Variants in CHN2 observed in about 807,000 individuals in gnomAD.
CHN2 encodes the protein beta-chimaerin.
A neutral mutation model predicts 56.3 loss-of-function variants in CHN2; 35 were observed. The ratio of observed to expected loss-of-function variants is 0.62; its 90% confidence interval spans 0.47 to 0.82. CHN2 has a LOEUF of 0.82. CHN2 is among the 40% of genes least tolerant of loss of function. CHN2 has a pLI of 0.00. For synonymous variants in CHN2, 210 were observed against 212.8 expected (o/e 0.99, Z 0.12); for missense variants, 491 against 580.5 (o/e 0.85, Z 1.58).
intron 3 of CHN2, among the ~76,000 whole-genome samples, chr7:29,383,877 A>G (rs1479273737): frequency 6.6e-6 from 1 of 152,216 alleles, no homozygotes; most frequent in Non-Finnish European, 1.5e-5. Context: ...AGGTGATAAA[A>G]GGATATAGGG....
chr7:29,254,294 T>C (rs1447938825), intron 1 of CHN2, among the ~76,000 whole-genome samples: 1 of 152,222 alleles, frequency 6.6e-6, no homozygotes, highest in African/African-American at 2.4e-5. Context: ...TGGTACACAG[T>C]ACCCCTGTAA....
chr7:29,421,433 C>A (rs904640902), intron 6 of CHN2, among the ~76,000 whole-genome samples: 1 of 151,980 alleles, frequency 6.6e-6, no homozygotes, highest in African/African-American at 2.4e-5. Flanking sequence ...GTAAAAAGTT[C>A]TGTGCACAGA....
intron 1 of CHN2, among the ~76,000 whole-genome samples, chr7:29,251,917 G>T (rs1341234252): frequency 6.6e-6 from 1 of 152,176 alleles, no homozygotes; most frequent in Non-Finnish European, 1.5e-5. Context: ...AGTGGTTTTT[G>T]AAGGTGCTTT....
intron 2 of CHN2, among the ~76,000 whole-genome samples, chr7:29,366,342 G>T (rs1315316845): frequency 6.6e-6 from 1 of 152,116 alleles, no homozygotes; most frequent in African/African-American, 2.4e-5. Context: ...CTCTCCTATG[G>T]TCAGTGGACA....
At chr7:29,276,186 C>T (rs182044475) in intron 1 of CHN2, among the ~76,000 whole-genome samples, 3 of 150,230 alleles carry the variant, frequency 2.0e-5, no homozygotes, top group Admixed American at 2.0e-4. Flanking sequence ...CCAAGCAGCA[C>T]CTGAGTAGGA....
chr7:29,308,542 A>G (rs181170917), intron 1 of CHN2, among the ~76,000 whole-genome samples: 2 of 151,816 alleles, frequency 1.3e-5, no homozygotes, highest in Admixed American at 1.3e-4. Context: ...CCAGCTTGTG[A>G]CCTCTCTTTC....
chr7:29,457,551 C>A (rs927915652), intron 6 of CHN2, among the ~76,000 whole-genome samples: 1 of 152,118 alleles, frequency 6.6e-6, no homozygotes, highest in African/African-American at 2.4e-5. Context: ...TATTCCTACT[C>A]ATTAAGTTAC....
At chr7:29,499,101 A>G (rs1389939693) in intron 8 of CHN2, among the ~76,000 whole-genome samples, 1 of 152,188 alleles carries the variant, frequency 6.6e-6, no homozygotes. Context: ...GTCAGTGGAT[A>G]TTGACTGCTA....
intron 6 of CHN2, among the ~76,000 whole-genome samples, chr7:29,473,380 T>C (rs1786275596): frequency 6.6e-6 from 1 of 151,876 alleles, no homozygotes; most frequent in Non-Finnish European, 1.5e-5. Flanking sequence ...CCTGGAGGAT[T>C]TTTACAGCCC....
At chr7:29,216,535 G>T (rs186021056) in intron 1 of CHN2, among the ~76,000 whole-genome samples, 1 of 152,044 alleles carries the variant, frequency 6.6e-6, no homozygotes, top group South Asian at 2.1e-4. Flanking sequence ...TTATCATTCC[G>T]CCAAGGTTTT....
chr7:29,436,517 C>T (rs1783238544), intron 6 of CHN2, among the ~76,000 whole-genome samples: 1 of 152,090 alleles, frequency 6.6e-6, no homozygotes, highest in African/African-American at 2.4e-5. Context: ...ATTTCAGTCC[C>T]CGTTGTCCCC....
chr7:29,245,401 A>G (rs1159424089), intron 1 of CHN2, among the ~76,000 whole-genome samples: 3 of 152,246 alleles, frequency 2.0e-5, no homozygotes, highest in Non-Finnish European at 4.4e-5. Flanking sequence ...TTAAGTTAGC[A>G]CATACTTAGT....
intron 2 of CHN2, among the ~76,000 whole-genome samples, chr7:29,163,433 C>T (rs1184279586): frequency 1.3e-5 from 2 of 151,990 alleles, no homozygotes; most frequent in Non-Finnish European, 2.9e-5. Context: ...ATATGTGATT[C>T]ATATTATATT....
chr7:29,302,156 A>G (rs1364648213), intron 1 of CHN2, among the ~76,000 whole-genome samples: 1 of 152,214 alleles, frequency 6.6e-6, no homozygotes, highest in East Asian at 1.9e-4. Context: ...CAGTTTAGCG[A>G]GCGTGATTTT....
rs778441827 is a variant in CHN2 at position 29,480,280 on chromosome 7, TCTC to T, written c.583_585del (p.Ser195del). 76 of 1,614,030 alleles carry T rather than the reference TCTC, an allele frequency of 4.7e-5. No homozygotes were observed. Among genetic ancestry groups the T allele is most frequent in the Non-Finnish European group, 6.1e-5 (72 of 1,180,034 alleles). On this transcript the variant is annotated inframe_deletion and splice_region_variant, in exon 7 of 13. Transcript: ENST00000222792. ...CTCAAACTCTTTGCCTGTTCACAGATCTCCTCCCTGGTTCGAAGGGCTGCCCTC... is the reference window on the plus strand; with the variant it reads ...CTCAAACTCTTTGCCTGTTCACAGATCTCCCTGGTTCGAAGGGCTGCCCTC...
At chr7:29,446,725 C>T (rs144546609) in intron 6 of CHN2, among the ~76,000 whole-genome samples, 42 of 152,248 alleles carry the variant, frequency 2.8e-4, no homozygotes, top group African/African-American at 8.9e-4. Flanking sequence ...CAAATTCAGC[C>T]GTATTAGTGC....
At chr7:29,508,879 G>T (rs937554710) in intron 11 of CHN2, among the ~76,000 whole-genome samples, 1 of 152,098 alleles carries the variant, frequency 6.6e-6, no homozygotes, top group Middle Eastern at 3.2e-3. Flanking sequence ...GTAGAAGTCC[G>T]CCAGGGAAAG....
chr7:29,364,055 G>A (rs896642678), intron 2 of CHN2, among the ~76,000 whole-genome samples: 1 of 152,158 alleles, frequency 6.6e-6, no homozygotes, highest in Admixed American at 6.5e-5. Context: ...GAATCAAAAG[G>A]CTGTATGTTA....
chr7:29,314,654 CA>C (rs1350603084), intron 1 of CHN2, among the ~76,000 whole-genome samples: 1 of 151,972 alleles, frequency 6.6e-6, no homozygotes, highest in Non-Finnish European at 1.5e-5. Flanking sequence ...CTGAAAATTC[CA>C]AGAAGTGAGA....
Sources: gnomAD v4.1 joint callset for allele counts (sites outside exome capture counted in the v4.1 genomes callset) on GRCh38, gnomAD v4.1.1 for gene constraint, MANE v1.5 for transcripts, NCBI Gene and HGNC (gene_info 2026-07-23, HGNC 2026-07-21) for gene names.